The following RYR2 variants were observed in gnomAD, a reference collection of about 807,000 sequenced individuals.
RYR2 encodes the protein ryanodine receptor 2.
In RYR2, 227 loss-of-function variants were observed where a neutral mutation model predicts 601.1. The ratio of observed to expected loss-of-function variants is 0.38; its 90% CI spans 0.34 to 0.42. The LOEUF (loss-of-function observed/expected upper bound fraction) is 0.42. Among genes scored for constraint, RYR2 ranks in the 10% least tolerant of loss-of-function variants. The probability of loss-of-function intolerance (pLI) is 1.00; values close to 1 mark genes in which losing one functional copy is unlikely to be tolerated. For missense variants in RYR2, 4,646 were observed against 6,156.5 expected, an observed-to-expected ratio of 0.75 and a Z score of 8.21; for synonymous variants, 2,223 against 2,175.1, an observed-to-expected ratio of 1.02 and a Z score of -0.61.
intron 2 of RYR2, among the ~76,000 whole-genome samples, chr1:237,304,254 A>T (rs1693657946): frequency 2.0e-5 from 3 of 152,214 alleles, no homozygotes; most frequent in African/African-American, 4.8e-5. Flanking sequence ...CTGGCTAGAG[A>T]TCAGGAGCCC....
chr1:237,831,924 A>G (rs933698267), intron 104 of RYR2, among the ~76,000 whole-genome samples: 4 of 152,240 alleles, frequency 2.6e-5, no homozygotes, highest in Non-Finnish European at 4.4e-5. Flanking sequence ...TGCATGTTAA[A>G]TGCCTAAGGT....
At chr1:237,144,404 C>T (rs1391610312) in intron 1 of RYR2, among the ~76,000 whole-genome samples, 3 of 152,126 alleles carry the variant, frequency 2.0e-5, no homozygotes, top group Non-Finnish European at 4.4e-5. Flanking sequence ...AACTTGGAGC[C>T]TGGTACCTGC....
At chr1:237,572,377 T>G (rs566698157) in intron 29 of RYR2, among the ~76,000 whole-genome samples, 155 of 152,298 alleles carry the variant, frequency 1.0e-3, no homozygotes, top group African/African-American at 3.6e-3. Flanking sequence ...GTTCACATGA[T>G]ACACACAGAT....
chr1:237,806,811 T>C (rs978018046), intron 99 of RYR2, among the ~76,000 whole-genome samples: 2 of 152,238 alleles, frequency 1.3e-5, no homozygotes, highest in Non-Finnish European at 2.9e-5. Context: ...AAGGTCATGC[T>C]GACTCGGAAG....
chr1:237,449,407 T>C (rs1046714013), intron 14 of RYR2, among the ~76,000 whole-genome samples: 6 of 152,350 alleles, frequency 3.9e-5, no homozygotes, highest in African/African-American at 1.4e-4. Context: ...ATTATAATAG[T>C]ATACTTCCCT....
intron 28 of RYR2, 105 bp from the exon 29 acceptor site, chr1:237,569,040 G>A: frequency 1.1e-6 from 1 of 936,250 alleles, no homozygotes; most frequent in Non-Finnish European, 1.6e-6. Context: ...TTCTCCTACT[G>A]TTGTGTTGAT....
chr1:237,127,610 C>T (rs1180857013), intron 1 of RYR2, among the ~76,000 whole-genome samples: 29 of 148,304 alleles, frequency 2.0e-4, no homozygotes, highest in South Asian at 4.4e-4. Context: ...CGGGCGGAGA[C>T]GCTCCTCACT....
chr1:237,599,569 C>T (rs1247171190), intron 34 of RYR2, among the ~76,000 whole-genome samples: 1 of 151,972 alleles, frequency 6.6e-6, no homozygotes, highest in East Asian at 1.9e-4. Context: ...GCCTGTAATC[C>T]CAGCACTTTG....
chr1:237,411,971 T>C lies in RYR2; in HGVS notation c.774-5078T>C, dbSNP rs116726062. ...ATGATTCTGTACTAAAGTCCACTAA[T>C]TAGAATTGTGTGCCCTATAAAATTT... On this transcript the variant is annotated intron_variant, in intron 10 of 104. Coordinates refer to ENST00000366574, the MANE Select transcript of RYR2 (RefSeq NM_001035.3). Among the ~76,000 whole-genome samples the C allele has an allele frequency of 9.1e-4, 138 of 152,252 alleles. 1 individual carries two copies. Among genetic ancestry groups the C allele is most frequent in the Admixed American group, 2.6e-3 (40 of 15,284 alleles).
chr1:237,057,439 C>T (rs1270561960), intron 1 of RYR2, among the ~76,000 whole-genome samples: 1 of 152,160 alleles, frequency 6.6e-6, no homozygotes, highest in African/African-American at 2.4e-5. Flanking sequence ...CCCACCTCAG[C>T]CTCCCAAAGT....
rs71561857 is a variant in RYR2, at chr1:237,107,519, CAAAAAA to C, written c.48+64962_48+64967del. Reference sequence around the variant, plus strand: ...TGGGAGACAGAGTGAGACTCCATCTCAAAAAAAAAAAAAAAAAGGAAACATTGTAGG... The same window carrying C: ...TGGGAGACAGAGTGAGACTCCATCTCAAAAAAAAAAAGGAAACATTGTAGG... On this transcript the variant is annotated intron_variant, in intron 1 of 104. Coordinates refer to ENST00000366574, the MANE Select transcript of RYR2 (RefSeq NM_001035.3). Among the ~76,000 whole-genome samples the C allele has an allele frequency of 2.3e-4, 9 of 38,912 alleles. 1 individual carries two copies. Among genetic ancestry groups the C allele is most frequent in the Admixed American group, 2.1e-3 (4 of 1,872 alleles). 25.5% of individuals were successfully genotyped at this position (38,912 alleles called of 152,430 possible). A position where few individuals can be genotyped will look rare whatever the true frequency, so the allele number is the denominator to read the frequency against.
intron 24 of RYR2, among the ~76,000 whole-genome samples, chr1:237,525,987 A>T (rs12084251): frequency 0.48 from 72,116 of 150,982 alleles, 17,635 homozygotes; most frequent in Middle Eastern, 0.54. Context: ...CAAAAAAAAA[A>T]AATAATAATA....
chr1:237,811,551 G>T (rs1340560256), intron 100 of RYR2, among the ~76,000 whole-genome samples: 2 of 152,044 alleles, frequency 1.3e-5, no homozygotes, highest in Admixed American at 6.6e-5. Flanking sequence ...AAAATCTTAA[G>T]AATAAATAAC....
chr1:237,574,024 G>A (rs1672979530), intron 29 of RYR2, among the ~76,000 whole-genome samples: 1 of 152,082 alleles, frequency 6.6e-6, no homozygotes, highest in African/African-American at 2.4e-5. Context: ...AAGATCAAGA[G>A]CATTGTTGAA....
At chr1:237,817,347 A>C (rs563146172) in intron 100 of RYR2, among the ~76,000 whole-genome samples, 3 of 152,108 alleles carry the variant, frequency 2.0e-5, no homozygotes, top group African/African-American at 7.2e-5. Flanking sequence ...TTGCCTACAC[A>C]TTGTGCTTTT....
chr1:237,269,385 C>A (rs974050910), intron 1 of RYR2, among the ~76,000 whole-genome samples: 2 of 151,572 alleles, frequency 1.3e-5, no homozygotes, highest in African/African-American at 2.4e-5. Context: ...AAAAAAAAAA[C>A]AACTTGCCGT....
chr1:237,654,512 T>C, intron 52 of RYR2, 98 bp downstream of exon 52: 2 of 1,214,980 alleles, frequency 1.6e-6, no homozygotes, highest in Non-Finnish European at 2.3e-6. Context: ...CTATCTTTGC[T>C]AACCAAGACA....
At chr1:237,378,354 G>T (rs1230833775) in intron 8 of RYR2, among the ~76,000 whole-genome samples, 1 of 152,204 alleles carries the variant, frequency 6.6e-6, no homozygotes, top group Non-Finnish European at 1.5e-5. Flanking sequence ...AACTTATTTA[G>T]TAAGTTGTAG....
At chr1:237,328,941 T>C (rs544112058) in intron 2 of RYR2, among the ~76,000 whole-genome samples, 21 of 152,358 alleles carry the variant, frequency 1.4e-4, no homozygotes, top group African/African-American at 4.8e-4. Context: ...GTATTTGTAA[T>C]GTTCTTCTGA....
Sources: gnomAD v4.1 joint callset for allele counts (sites outside exome capture counted in the v4.1 genomes callset) on GRCh38, gnomAD v4.1.1 for gene constraint, MANE v1.5 for transcripts, NCBI Gene and HGNC (gene_info 2026-07-23, HGNC 2026-07-21) for gene names.